The following NAV2 variants were observed in gnomAD, a reference collection of about 807,000 sequenced individuals.
NAV2 encodes the protein neuron navigator 2, also known as helicase, APC down-regulated 1.
A neutral mutation model predicts 223.2 loss-of-function variants in NAV2; 54 were observed. The observed-to-expected ratio is 0.24, with a 90% CI of 0.19 to 0.30. The LOEUF (loss-of-function observed/expected upper bound fraction) is 0.30, where lower values mean the gene tolerates loss of function less well. Ranked by LOEUF, NAV2 falls within the 10% of genes least tolerant of loss-of-function variation. NAV2 has a pLI of 1.00. For synonymous variants in NAV2, 1,279 were observed against 1,239.3 expected (o/e 1.03, Z -0.67); for missense variants, 2,806 against 3,147.5 (o/e 0.89, Z 2.60).
chr11:20,013,667 GTATTTACA>G (rs1352413755), intron 11 of NAV2, among the ~76,000 whole-genome samples: 2 of 152,136 alleles, frequency 1.3e-5, no homozygotes, highest in African/African-American at 4.8e-5. Flanking sequence ...GCGGGAAAAG[GTATTTACA>G]GCATTTCATA....
At chr11:19,453,850 C>T (rs1851870919) in intron 1 of NAV2, among the ~76,000 whole-genome samples, 1 of 152,210 alleles carries the variant, frequency 6.6e-6, no homozygotes, top group Non-Finnish European at 1.5e-5. Context: ...AGGAAAGAGG[C>T]CATCCAGAGC....
rs202102258 is a variant in NAV2 at position 19,892,574 on chromosome 11, C to A, written c.911C>A (p.Pro304Gln). ...KSKPVTSPPP[P>Q]PSSHEKEPLA... ...AAACCAGTCACCTCCCCACCCCCAC[C>A]GCCAAGCAGCCACGAGAAAGGTGAG... The change falls in exon 6 of 38, where the codon CCG becomes CAG. Residue 304 changes from proline (P) to glutamine (Q), a missense_variant. Around this residue, in one of 4 missense-constraint regions of NAV2, gnomAD observed 1,167 missense variants for 1,180.5 expected, o/e 0.99. Coordinates refer to ENST00000349880, the MANE Select transcript of NAV2 (RefSeq NM_145117.5). The A allele has an allele frequency of 6.2e-7, 1 of 1,613,894 alleles. No individual in the cohort carries two copies.
At chr11:19,928,440 C>T (rs970893026) in intron 6 of NAV2, among the ~76,000 whole-genome samples, 1 of 152,168 alleles carries the variant, frequency 6.6e-6, no homozygotes, top group Non-Finnish European at 1.5e-5. Context: ...ATGTTCAAAA[C>T]ATTCTTTTAT....
chr11:19,618,652 G>A (rs1168842747), intron 1 of NAV2, among the ~76,000 whole-genome samples: 1 of 152,188 alleles, frequency 6.6e-6, no homozygotes, highest in Non-Finnish European at 1.5e-5. Flanking sequence ...GGGAGCCATA[G>A]ATTTGACATG....
chr11:20,002,593 A>G (rs16937344), intron 11 of NAV2, among the ~76,000 whole-genome samples: 9,030 of 152,192 alleles, frequency 0.059, 282 homozygotes, highest in South Asian at 0.12. Context: ...CCGGTTTGGT[A>G]GAAAGGAAGA....
At chr11:19,892,729 G>A in intron 6 of NAV2, 135 bp downstream of exon 6, 4 of 915,362 alleles carry the variant, frequency 4.4e-6, no homozygotes, top group Non-Finnish European at 6.2e-6. Flanking sequence ...GACATATTTG[G>A]TAGGCAGGAA....
At chr11:20,069,823 G>A (rs1039281828) in intron 22 of NAV2, among the ~76,000 whole-genome samples, 1 of 152,138 alleles carries the variant, frequency 6.6e-6, no homozygotes, top group Non-Finnish European at 1.5e-5. Flanking sequence ...TCATTCGCCC[G>A]GAGTTTTTGC....
chr11:19,388,155 G>A (rs1469969519), intron 1 of NAV2, among the ~76,000 whole-genome samples: 1 of 152,164 alleles, frequency 6.6e-6, no homozygotes, highest in Non-Finnish European at 1.5e-5. Context: ...TGGAAGGAAC[G>A]GGGTCAAGGG....
intron 1 of NAV2, among the ~76,000 whole-genome samples, chr11:19,415,607 A>G (rs1966253402): frequency 6.6e-6 from 1 of 152,252 alleles, no homozygotes; most frequent in African/African-American, 2.4e-5. Context: ...GACCAGCATC[A>G]TCCTGATACC....
chr11:19,996,311 GGCCTAGCACCAACTGAGGT>G (rs2051876605), intron 11 of NAV2, among the ~76,000 whole-genome samples: 1 of 152,104 alleles, frequency 6.6e-6, no homozygotes, highest in Non-Finnish European at 1.5e-5. Flanking sequence ...CATCCCCTAG[GGCCTAGCACCAACTGAGGT>G]GCTTGCAAAG....
At chr11:19,515,248 G>A (rs1019217837) in intron 1 of NAV2, among the ~76,000 whole-genome samples, 1 of 152,114 alleles carries the variant, frequency 6.6e-6, no homozygotes, top group Non-Finnish European at 1.5e-5. Flanking sequence ...ATGAAAGCAG[G>A]CATTATTTTT....
intron 10 of NAV2, among the ~76,000 whole-genome samples, chr11:19,975,501 T>C (rs2153435528): frequency 6.6e-6 from 1 of 152,296 alleles, no homozygotes; most frequent in South Asian, 2.1e-4. Context: ...TAGTATTAGA[T>C]GGAATTTTAT....
At chr11:19,540,693 C>T (rs2044316189) in intron 1 of NAV2, among the ~76,000 whole-genome samples, 1 of 152,200 alleles carries the variant, frequency 6.6e-6, no homozygotes, top group Non-Finnish European at 1.5e-5. Context: ...CTCCCCCTGA[C>T]CCAATCCCTT....
chr11:20,110,759 C>A (rs999158939), intron 36 of NAV2, among the ~76,000 whole-genome samples: 2 of 152,164 alleles, frequency 1.3e-5, no homozygotes, highest in African/African-American at 4.8e-5. Context: ...ATTCCCTACT[C>A]TCCTTTGTGT....
intron 1 of NAV2, among the ~76,000 whole-genome samples, chr11:19,588,891 G>A (rs2045973640): frequency 6.6e-6 from 1 of 152,206 alleles, no homozygotes; most frequent in Non-Finnish European, 1.5e-5. Context: ...CCTTGCCCAT[G>A]TTTCTTTCTG....
At chr11:19,963,205 A>G in intron 10 of NAV2, among the ~76,000 whole-genome samples, 1 of 152,128 alleles carries the variant, frequency 6.6e-6, no homozygotes, top group African/African-American at 2.4e-5. Flanking sequence ...AGCTCTTTAC[A>G]TGCTTTTTCT....
chr11:19,604,175 TC>T (rs1286320008), intron 1 of NAV2, among the ~76,000 whole-genome samples: 2 of 152,096 alleles, frequency 1.3e-5, no homozygotes, highest in African/African-American at 2.4e-5. Context: ...AGGAGAAACA[TC>T]GTGTGACTTA....
chr11:19,649,975 T>G (rs992891663), intron 1 of NAV2, among the ~76,000 whole-genome samples: 13 of 152,208 alleles, frequency 8.5e-5, no homozygotes, highest in African/African-American at 3.1e-4. Context: ...TGAAACTTTT[T>G]CTGTCGCTGG....
chr11:19,730,206 A>G (rs1287833592), intron 1 of NAV2, among the ~76,000 whole-genome samples: 2 of 152,136 alleles, frequency 1.3e-5, no homozygotes, highest in African/African-American at 4.8e-5. Flanking sequence ...TCCCCTCGGC[A>G]GGGTCGGGGG....
Sources: gnomAD v4.1 joint callset for allele counts (sites outside exome capture counted in the v4.1 genomes callset) on GRCh38, gnomAD v4.1.1 for gene constraint, gnomAD v4.1.1 regional missense constraint, MANE v1.5 for transcripts, NCBI Gene and HGNC (gene_info 2026-07-23, HGNC 2026-07-21) for gene names.